SLC35F4: variants seen among roughly 807,000 people sequenced by gnomAD.
The protein encoded by SLC35F4 is solute carrier family 35 member F4, also known as chromosome 14 open reading frame 36.
A neutral mutation model predicts 44.2 loss-of-function variants in SLC35F4; 24 were observed. That is an observed-to-expected ratio of 0.54 (90% CI 0.39 to 0.76). SLC35F4 has a LOEUF of 0.76. Ranked by LOEUF, SLC35F4 falls within the 30% of genes least tolerant of loss-of-function variation. SLC35F4 has a pLI of 0.00. For missense variants in SLC35F4, 562 were observed against 586.1 expected (o/e 0.96, Z 0.42); for synonymous variants, 238 against 223.6 (o/e 1.06, Z -0.57).
chr14:57,924,071 G>A (rs796194208), intron 1 of SLC35F4, among the ~76,000 whole-genome samples: 54 of 152,300 alleles, frequency 3.5e-4, no homozygotes, highest in African/African-American at 1.2e-3. Flanking sequence ...TTTGCCTGCT[G>A]CCATCCATGT....
intron 1 of SLC35F4, chr14:57,981,862 G>A (rs921686106): frequency 6.6e-6 from 1 of 152,164 alleles, no homozygotes; most frequent in Non-Finnish European, 1.5e-5. Context: ...AGACATTTAA[G>A]AGCCTTTTTA....
At chr14:57,723,237 T>C (rs977000380) in intron 1 of SLC35F4, among the ~76,000 whole-genome samples, 2 of 55,690 alleles carry the variant, frequency 3.6e-5, no homozygotes, top group African/African-American at 1.3e-4. Context: ...GAATGCATAA[T>C]TGGCATAGAC....
At chr14:57,799,950 CA>C (rs1208516074) in intron 1 of SLC35F4, among the ~76,000 whole-genome samples, 1 of 152,150 alleles carries the variant, frequency 6.6e-6, no homozygotes, top group African/African-American at 2.4e-5. Context: ...GTGGAGAATA[CA>C]AATAGTCCAG....
chr14:57,922,757 C>G (rs917024453), intron 1 of SLC35F4, among the ~76,000 whole-genome samples: 3 of 152,054 alleles, frequency 2.0e-5, no homozygotes, highest in Non-Finnish European at 4.4e-5. Flanking sequence ...AGTTCTGTGA[C>G]CTTGGGAAGT....
At chr14:57,821,019 T>C (rs1266727013) in intron 1 of SLC35F4, among the ~76,000 whole-genome samples, 1 of 152,242 alleles carries the variant, frequency 6.6e-6, no homozygotes, top group African/African-American at 2.4e-5. Context: ...ATTAGTACTT[T>C]CTTTTTCATG....
intron 1 of SLC35F4, among the ~76,000 whole-genome samples, chr14:57,733,360 T>TAAAAA (rs71104585): frequency 5.1e-5 from 7 of 138,460 alleles, no homozygotes; most frequent in African/African-American, 1.9e-4. Flanking sequence ...CAATTTTCTT[T>TAAAAA]AAAAAAAAAA....
At chr14:57,816,285 A>C (rs113659561) in intron 1 of SLC35F4, among the ~76,000 whole-genome samples, 2,984 of 152,298 alleles carry the variant, frequency 0.02, 89 homozygotes, top group African/African-American at 0.067. Flanking sequence ...TACACTGCAG[A>C]GGAGGCTATT....
chr14:57,621,121 G>A (rs1348247270), intron 1 of SLC35F4, among the ~76,000 whole-genome samples: 1 of 151,634 alleles, frequency 6.6e-6, no homozygotes, highest in Non-Finnish European at 1.5e-5. Flanking sequence ...GGATGTGAAG[G>A]ACCTCTTCAA....
At chr14:57,712,219 T>C (rs895487521) in intron 1 of SLC35F4, among the ~76,000 whole-genome samples, 1 of 152,218 alleles carries the variant, frequency 6.6e-6, no homozygotes, top group African/African-American at 2.4e-5. Flanking sequence ...CGGGCTGTGT[T>C]CTCTGCTACT....
rs749719466 is a variant in SLC35F4 at position 57,593,984 on chromosome 14, A to C, written c.244T>G (p.Ser82Ala). The change falls in exon 2 of 8, where the codon TCC becomes GCC. Residue 82 changes from serine to alanine, a missense_variant. Ser to Ala is a moderately conservative substitution (Grantham distance 99). Coordinates refer to ENST00000556826, the MANE Select transcript of SLC35F4 (RefSeq NM_001306087.2). ...APILELQNQGSSGVCGHRVER... is the reference protein window; with the variant it reads ...APILELQNQGASGVCGHRVER... ...ACTCTGTGTCCACAAACTCCTGAGG[A>C]TCCTTGGTTTTGAAGTTCAAGAATA... The C allele has an allele frequency of 1.2e-6, 2 of 1,613,886 alleles. No homozygotes were observed. The highest frequency in any genetic ancestry group is 1.7e-6 in the Non-Finnish European group (2 of 1,179,862).
At chr14:57,697,242 G>A (rs1460359432) in intron 1 of SLC35F4, among the ~76,000 whole-genome samples, 4 of 152,028 alleles carry the variant, frequency 2.6e-5, no homozygotes, top group Admixed American at 2.6e-4. Context: ...ATTTGCAAGT[G>A]TGCTATATAA....
chr14:57,851,605 T>C (rs182082330), intron 1 of SLC35F4, among the ~76,000 whole-genome samples: 11 of 152,290 alleles, frequency 7.2e-5, no homozygotes, highest in African/African-American at 1.9e-4. Flanking sequence ...AGCCCTAAAA[T>C]GTGTGCCAGG....
chr14:57,909,493 T>G (rs546197808), intron 1 of SLC35F4, among the ~76,000 whole-genome samples: 2 of 151,984 alleles, frequency 1.3e-5, no homozygotes, highest in African/African-American at 4.8e-5. Context: ...CCTTTTCCTA[T>G]CTCCACGGTG....
chr14:57,612,657 G>A (rs575280564), intron 1 of SLC35F4, among the ~76,000 whole-genome samples: 15 of 152,198 alleles, frequency 9.9e-5, no homozygotes, highest in African/African-American at 3.6e-4. Flanking sequence ...AGCATTTGTT[G>A]AGCTCACTGA....
At chr14:57,798,121 CAAAAAAAAAAA>C (rs60685029) in intron 1 of SLC35F4, among the ~76,000 whole-genome samples, 3 of 42,068 alleles carry the variant, frequency 7.1e-5, no homozygotes, top group South Asian at 1.0e-3. Context: ...GACCCACGAG[CAAAAAAAAAAA>C]AAAAAAAAAA....
At chr14:57,887,338 G>T (rs1888671156) in intron 1 of SLC35F4, among the ~76,000 whole-genome samples, 1 of 152,194 alleles carries the variant, frequency 6.6e-6, no homozygotes, top group African/African-American at 2.4e-5. Flanking sequence ...CAAGCTCCCT[G>T]GCTCAGAATG....
At chr14:57,738,839 G>GTA (rs1419521176) in intron 1 of SLC35F4, among the ~76,000 whole-genome samples, 14 of 140,020 alleles carry the variant, frequency 1.0e-4, no homozygotes, top group African/African-American at 2.1e-4. Flanking sequence ...TATAAGTACT[G>GTA]TATATATATA....
chr14:57,872,425 A>T (rs1190415261), intron 1 of SLC35F4, among the ~76,000 whole-genome samples: 1 of 152,012 alleles, frequency 6.6e-6, no homozygotes, highest in Non-Finnish European at 1.5e-5. Context: ...AAAAGATCGC[A>T]CCAAATAACT....
chr14:57,611,281 G>T (rs2071480517), intron 1 of SLC35F4, among the ~76,000 whole-genome samples: 1 of 152,172 alleles, frequency 6.6e-6, no homozygotes, highest in Non-Finnish European at 1.5e-5. Flanking sequence ...GGATATCAAG[G>T]TACAAATCCC....
Sources: allele counts gnomAD v4.1 joint callset (sites outside exome capture counted in the v4.1 genomes callset), GRCh38; gene constraint gnomAD v4.1.1; transcripts MANE v1.5; gene names NCBI Gene and HGNC (gene_info 2026-07-23, HGNC 2026-07-21).